Variants in CCSER1 observed in about 807,000 individuals in gnomAD.
The protein encoded by CCSER1 is serine-rich coiled-coil domain-containing protein 1.
CCSER1 carries 41 observed loss-of-function variants against 82.0 expected under a neutral mutation model. That is an observed-to-expected ratio of 0.50 (90% CI 0.39 to 0.65). The LOEUF is 0.65. CCSER1 is among the 30% of genes least tolerant of loss of function. CCSER1 has a pLI of 0.00. For synonymous variants in CCSER1, 414 were observed against 383.9 expected (o/e 1.08, Z -0.92); for missense variants, 1,119 against 1,064.2 (o/e 1.05, Z -0.72).
chr4:91,112,763 C>T (rs1726201991), intron 10 of CCSER1: 1 of 152,088 alleles, frequency 6.6e-6, no homozygotes, highest in Non-Finnish European at 1.5e-5. Flanking sequence ...TCTCCATCCT[C>T]TGTCCTCTTC....
intron 10 of CCSER1, among the ~76,000 whole-genome samples, chr4:91,208,592 G>A (rs1420821633): frequency 1.3e-5 from 2 of 151,844 alleles, no homozygotes; most frequent in Non-Finnish European, 2.9e-5. Flanking sequence ...CTGCGTGCCT[G>A]TTTTTGTACT....
rs544194962 is a variant in CCSER1 at position 91,044,554 on chromosome 4, A to G, written c.2173-41396A>G. Among the ~76,000 whole-genome samples the G allele has an allele frequency of 2.5e-4, 38 of 152,230 alleles. No homozygotes were observed. In the Middle Eastern group the frequency reaches 0.01, roughly 41 times the overall value. On this transcript the variant is annotated intron_variant, in intron 9 of 10. Coordinates refer to ENST00000509176, the MANE Select transcript of CCSER1 (RefSeq NM_001145065.2). ...CTCATTTTGTGCAGACTGCTCCACTATCCCAATACATTTTAATTCAGGTTG... is the reference window on the plus strand; with the variant it reads ...CTCATTTTGTGCAGACTGCTCCACTGTCCCAATACATTTTAATTCAGGTTG...
intron 10 of CCSER1, among the ~76,000 whole-genome samples, chr4:91,114,528 A>G (rs1206183328): frequency 6.6e-6 from 1 of 152,204 alleles, no homozygotes; most frequent in African/African-American, 2.4e-5. Context: ...GTATCACTGT[A>G]GAAACCCTTT....
At chr4:90,738,462 C>G (rs897695671) in intron 7 of CCSER1, among the ~76,000 whole-genome samples, 2 of 152,076 alleles carry the variant, frequency 1.3e-5, no homozygotes, top group Non-Finnish European at 2.9e-5. Context: ...TTACTTTCCC[C>G]CAAACATAGT....
At chr4:90,751,052 C>A (rs557444802) in intron 7 of CCSER1, among the ~76,000 whole-genome samples, 1 of 151,928 alleles carries the variant, frequency 6.6e-6, no homozygotes, top group South Asian at 2.1e-4. Flanking sequence ...AAAGATTTAA[C>A]GAAAGGTTCA....
chr4:90,426,915 A>G (rs1757600667), intron 4 of CCSER1, among the ~76,000 whole-genome samples: 1 of 152,124 alleles, frequency 6.6e-6, no homozygotes. Context: ...CTCAATGAAA[A>G]TACTGAACAA....
chr4:90,267,107 C>T (rs1379824426), intron 1 of CCSER1, among the ~76,000 whole-genome samples: 2 of 151,868 alleles, frequency 1.3e-5, no homozygotes, highest in Admixed American at 6.6e-5. Context: ...AGAGGGGAGC[C>T]CAGTGTTAGA....
intron 10 of CCSER1, among the ~76,000 whole-genome samples, chr4:91,205,646 T>C (rs1736282675): frequency 1.3e-5 from 2 of 151,470 alleles, no homozygotes; most frequent in African/African-American, 4.8e-5. Context: ...CCTATCTTCC[T>C]TGCTTTCCTC....
chr4:90,341,508 A>G (rs1330831122), intron 3 of CCSER1, among the ~76,000 whole-genome samples: 1 of 152,102 alleles, frequency 6.6e-6, no homozygotes, highest in Non-Finnish European at 1.5e-5. Flanking sequence ...TAATTTTTAC[A>G]TTATCCCCAA....
chr4:90,389,523 GTTA>G (rs773522368), intron 3 of CCSER1, among the ~76,000 whole-genome samples: 64 of 152,220 alleles, frequency 4.2e-4, no homozygotes, highest in Non-Finnish European at 6.6e-4. Context: ...AATTAAATGA[GTTA>G]TTATTATCAT....
intron 10 of CCSER1, among the ~76,000 whole-genome samples, chr4:91,516,926 A>G (rs113788023): frequency 3.9e-5 from 6 of 151,942 alleles, no homozygotes; most frequent in African/African-American, 1.5e-4. Flanking sequence ...TCATTTCCCT[A>G]TGTAGCTGTA....
chr4:91,506,870 C>T (rs1001410653), intron 10 of CCSER1, among the ~76,000 whole-genome samples: 6 of 152,152 alleles, frequency 3.9e-5, no homozygotes, highest in South Asian at 2.1e-4. Context: ...CTATTTTGGA[C>T]GTTCATGTAT....
intron 5 of CCSER1, among the ~76,000 whole-genome samples, chr4:90,510,002 G>C (rs1043362430): frequency 2.6e-5 from 4 of 152,122 alleles, no homozygotes; most frequent in African/African-American, 4.8e-5. Context: ...CCCTATATCT[G>C]TAGTAATGTC....
chr4:91,188,300 A>G (rs1009825585), intron 10 of CCSER1, among the ~76,000 whole-genome samples: 4 of 152,172 alleles, frequency 2.6e-5, no homozygotes, highest in Admixed American at 2.6e-4. Context: ...TAACAATACT[A>G]TATGAGGTTC....
At chr4:91,231,335 A>C (rs2149115949) in intron 10 of CCSER1, among the ~76,000 whole-genome samples, 1 of 151,966 alleles carries the variant, frequency 6.6e-6, no homozygotes, top group South Asian at 2.1e-4. Context: ...TTTTGTGGGA[A>C]AATTAAAAGA....
At chr4:90,390,349 T>G (rs1443588993) in intron 3 of CCSER1, among the ~76,000 whole-genome samples, 34 of 152,290 alleles carry the variant, frequency 2.2e-4, no homozygotes, top group Non-Finnish European at 2.9e-5. Context: ...ATGGGTATCA[T>G]GATGCTGAGG....
chr4:90,796,572 G>A (rs927876686), intron 7 of CCSER1, among the ~76,000 whole-genome samples: 1 of 152,014 alleles, frequency 6.6e-6, no homozygotes, highest in African/African-American at 2.4e-5. Flanking sequence ...TAGTTGTGAT[G>A]TTAGGTTGTT....
intron 3 of CCSER1, among the ~76,000 whole-genome samples, chr4:90,377,307 C>T (rs1216042909): frequency 6.6e-6 from 1 of 152,072 alleles, no homozygotes; most frequent in Non-Finnish European, 1.5e-5. Context: ...GGATTCTATT[C>T]CACCAACATT....
chr4:91,453,639 C>T (rs541226790), intron 10 of CCSER1, among the ~76,000 whole-genome samples: 3 of 152,176 alleles, frequency 2.0e-5, no homozygotes, highest in South Asian at 2.1e-4. Flanking sequence ...GCAGTCACTA[C>T]TTCACCTTTG....
Sources: allele counts gnomAD v4.1 joint callset (sites outside exome capture counted in the v4.1 genomes callset), GRCh38; gene constraint gnomAD v4.1.1; transcripts MANE v1.5; gene names NCBI Gene and HGNC (gene_info 2026-07-23, HGNC 2026-07-21).